CHRM3: variants seen among roughly 807,000 people sequenced by gnomAD.
CHRM3 encodes muscarinic acetylcholine receptor M3.
A neutral mutation model predicts 41.8 loss-of-function variants in CHRM3; 11 were observed. The observed-to-expected ratio is 0.26, with a 90% CI of 0.17 to 0.44. The LOEUF is 0.44. Among genes scored for constraint, CHRM3 ranks in the 20% least tolerant of loss-of-function variants. The pLI is 1.00. For synonymous variants in CHRM3, 297 were observed against 301.4 expected (o/e 0.99, Z 0.15); for missense variants, 571 against 745.4 (o/e 0.77, Z 2.72).
intron 2 of CHRM3, among the ~76,000 whole-genome samples, chr1:239,502,453 CA>C (rs571808513): frequency 3.3e-5 from 5 of 150,660 alleles, no homozygotes; most frequent in African/African-American, 7.3e-5. Context: ...AAATTAGCAA[CA>C]AAAAAAAAGT....
chr1:239,583,271 T>C (rs915404460), intron 3 of CHRM3, among the ~76,000 whole-genome samples: 2 of 152,216 alleles, frequency 1.3e-5, no homozygotes, highest in African/African-American at 4.8e-5. Context: ...TGTAGACAAC[T>C]TAATTACAAA....
intron 1 of CHRM3, among the ~76,000 whole-genome samples, chr1:239,414,077 A>G (rs1661316118): frequency 6.6e-6 from 1 of 152,166 alleles, no homozygotes; most frequent in Non-Finnish European, 1.5e-5. Flanking sequence ...TGGTGGTTTT[A>G]TGAGCAATTT....
chr1:239,563,641 G>T (rs1443705190), intron 3 of CHRM3, among the ~76,000 whole-genome samples: 1 of 152,100 alleles, frequency 6.6e-6, no homozygotes, highest in Non-Finnish European at 1.5e-5. Context: ...AAATTTCAAT[G>T]GAAAAGTTGT....
At chr1:239,726,315 G>A (rs184611593) in intron 5 of CHRM3, among the ~76,000 whole-genome samples, 207 of 149,068 alleles carry the variant, frequency 1.4e-3, no homozygotes, top group South Asian at 3.7e-3. Context: ...TATGTGTACC[G>A]AACTTTTGAA....
intron 1 of CHRM3, among the ~76,000 whole-genome samples, chr1:239,414,402 G>A (rs1661338970): frequency 6.6e-6 from 1 of 152,150 alleles, no homozygotes; most frequent in Non-Finnish European, 1.5e-5. Flanking sequence ...TATTCATTTA[G>A]GTTGTGTCTA....
chr1:239,505,304 TG>T (rs1668498047), intron 2 of CHRM3, among the ~76,000 whole-genome samples: 3 of 149,920 alleles, frequency 2.0e-5, no homozygotes, highest in Non-Finnish European at 4.5e-5. Flanking sequence ...ATGATGATGA[TG>T]ATTGATATGG....
chr1:239,889,540 T>C (rs1177519299), intron 6 of CHRM3, among the ~76,000 whole-genome samples: 1 of 152,340 alleles, frequency 6.6e-6, no homozygotes, highest in East Asian at 1.9e-4. Context: ...TTTTTCAGGC[T>C]GCTTTTTATT....
chr1:239,652,114 G>T (rs1672301080), intron 4 of CHRM3, among the ~76,000 whole-genome samples: 1 of 151,324 alleles, frequency 6.6e-6, no homozygotes, highest in African/African-American at 2.4e-5. Flanking sequence ...CTCTGTCTTT[G>T]TTCAAGGCTC....
At chr1:239,633,397 A>T (rs1670086245) in intron 4 of CHRM3, among the ~76,000 whole-genome samples, 1 of 152,148 alleles carries the variant, frequency 6.6e-6, no homozygotes. Flanking sequence ...AACCACCTTC[A>T]TGATCCAATC....
chr1:239,796,020 T>A (rs568292251), intron 5 of CHRM3, among the ~76,000 whole-genome samples: 1 of 152,314 alleles, frequency 6.6e-6, no homozygotes, highest in African/African-American at 2.4e-5. Context: ...TGGAGTCTTT[T>A]GGCTGAGCAT....
At chr1:239,728,423 T>C (rs950631059) in intron 5 of CHRM3, among the ~76,000 whole-genome samples, 5 of 151,990 alleles carry the variant, frequency 3.3e-5, no homozygotes, top group African/African-American at 1.2e-4. Context: ...AGGAATCGTC[T>C]AGAAGACACC....
chr1:239,798,387 A>G lies in CHRM3; in HGVS notation c.-146-28865A>G, dbSNP rs916743969. On this transcript the variant is annotated intron_variant, in intron 5 of 6. Coordinates refer to ENST00000676153, the MANE Select transcript of CHRM3 (RefSeq NM_001375978.1). ...TAATCCCTGCATTGTTCAAGGTTCA[A>G]TTGTATATGCCAGGTCTTCCTCCCA... Among the ~76,000 whole-genome samples the G allele has an allele frequency of 2.8e-4, 42 of 152,086 alleles. 1 individual carries two copies. Among genetic ancestry groups the G allele is most frequent in the Non-Finnish European group, 2.2e-4 (15 of 68,010 alleles).
At chr1:239,900,968 TC>T (rs1464568238) in intron 6 of CHRM3, among the ~76,000 whole-genome samples, 8 of 152,142 alleles carry the variant, frequency 5.3e-5, no homozygotes, top group Admixed American at 6.5e-5. Flanking sequence ...ACAACAAGGT[TC>T]CCTGTTCAGG....
At chr1:239,614,738 A>G (rs1338878562) in intron 3 of CHRM3, among the ~76,000 whole-genome samples, 1 of 152,230 alleles carries the variant, frequency 6.6e-6, no homozygotes, top group Non-Finnish European at 1.5e-5. Context: ...TAAATAACCT[A>G]GCTTTTACCT....
intron 6 of CHRM3, among the ~76,000 whole-genome samples, chr1:239,872,563 A>G (rs1676685511): frequency 6.6e-6 from 1 of 152,212 alleles, no homozygotes; most frequent in Admixed American, 6.5e-5. Flanking sequence ...GAGAAATGAC[A>G]GGATACAACA....
At chr1:239,504,515 A>G (rs1171737282) in intron 2 of CHRM3, among the ~76,000 whole-genome samples, 2 of 152,204 alleles carry the variant, frequency 1.3e-5, no homozygotes, top group Non-Finnish European at 2.9e-5. Flanking sequence ...GAGATTCCTT[A>G]AAGAACTACA....
At chr1:239,842,471 G>A (rs950443962) in intron 6 of CHRM3, among the ~76,000 whole-genome samples, 4 of 152,150 alleles carry the variant, frequency 2.6e-5, no homozygotes, top group Non-Finnish European at 1.5e-5. Flanking sequence ...CTGACATCAG[G>A]TGATCCGCCT....
chr1:239,454,270 A>G (rs1664764526), intron 1 of CHRM3, among the ~76,000 whole-genome samples: 1 of 152,146 alleles, frequency 6.6e-6, no homozygotes, highest in African/African-American at 2.4e-5. Context: ...TCTTTGAGGT[A>G]AATTATTTGC....
intron 5 of CHRM3, among the ~76,000 whole-genome samples, chr1:239,774,095 A>T (rs1047766515): frequency 4.7e-4 from 72 of 152,112 alleles, no homozygotes; most frequent in African/African-American, 1.6e-3. Context: ...TATTGGGAGG[A>T]CTAAACCAAG....
Sources: allele counts gnomAD v4.1 joint callset (sites outside exome capture counted in the v4.1 genomes callset), GRCh38; gene constraint gnomAD v4.1.1; transcripts MANE v1.5; gene names NCBI Gene and HGNC (gene_info 2026-07-23, HGNC 2026-07-21).